Variants in ERC2 observed in about 807,000 individuals in gnomAD.
ERC2 encodes ERC protein 2.
In ERC2, 42 loss-of-function variants were observed where a neutral mutation model predicts 114.8. The observed-to-expected ratio is 0.37, with a 90% confidence interval of 0.29 to 0.47. The LOEUF (loss-of-function observed/expected upper bound fraction) is 0.47, where lower values mean the gene tolerates loss of function less well. Ranked by LOEUF, ERC2 falls within the 20% of genes least tolerant of loss-of-function variation. ERC2 has a pLI of 0.99. For missense variants in ERC2, 939 were observed against 1,150.7 expected (o/e 0.82, Z 2.66); for synonymous variants, 454 against 425.5 (o/e 1.07, Z -0.82).
rs2071208200 is a variant in ERC2, at chr3:55,993,105, A to G, written c.2062-855T>C. Reference sequence around the variant, plus strand: ...ACTTTTGGCTGAAATATTCCCAGACAGATAGAAATAACACTGCACTGCAAT... The same window carrying G: ...ACTTTTGGCTGAAATATTCCCAGACGGATAGAAATAACACTGCACTGCAAT... On this transcript the variant is annotated intron_variant, in intron 10 of 17. Transcript: ENST00000288221. 2.0e-5 allele frequency among the ~76,000 whole-genome samples: 3 copies of G among 152,244 alleles called. No homozygotes were observed. In the South Asian group the frequency reaches 6.2e-4, roughly 32 times the overall value.
chr3:56,015,687 T>C (rs1053325982), intron 8 of ERC2, among the ~76,000 whole-genome samples: 1 of 152,224 alleles, frequency 6.6e-6, no homozygotes, highest in Non-Finnish European at 1.5e-5. Context: ...TGCACCTTTA[T>C]AATAGAATGA....
At chr3:55,675,022 A>G (rs1284709254) in intron 17 of ERC2, among the ~76,000 whole-genome samples, 2 of 152,186 alleles carry the variant, frequency 1.3e-5, no homozygotes, top group Admixed American at 1.3e-4. Context: ...GCTGCAAGGC[A>G]TGCATGGACC....
At chr3:56,318,610 G>A (rs983293894) in intron 2 of ERC2, among the ~76,000 whole-genome samples, 4 of 151,434 alleles carry the variant, frequency 2.6e-5, no homozygotes, top group African/African-American at 9.7e-5. Context: ...AAGACAACCT[G>A]ATTTTAAAAT....
intron 2 of ERC2, among the ~76,000 whole-genome samples, chr3:56,323,884 G>C (rs2057239711): frequency 6.6e-6 from 1 of 152,058 alleles, no homozygotes; most frequent in Non-Finnish European, 1.5e-5. Context: ...TGAAGCACTC[G>C]CAAGATTCTG....
chr3:56,026,879 G>A (rs767427501), intron 7 of ERC2, among the ~76,000 whole-genome samples: 5 of 152,162 alleles, frequency 3.3e-5, no homozygotes, highest in Non-Finnish European at 7.4e-5. Context: ...GTAGATTTAC[G>A]TGACCACCAC....
chr3:55,896,643 G>A (rs1559833889), intron 13 of ERC2, among the ~76,000 whole-genome samples: 1 of 152,136 alleles, frequency 6.6e-6, no homozygotes, highest in Non-Finnish European at 1.5e-5. Flanking sequence ...CACCTCAGAA[G>A]TCTCTAGAAT....
intron 3 of ERC2, among the ~76,000 whole-genome samples, chr3:56,237,926 A>C (rs2051068629): frequency 1.3e-5 from 2 of 148,312 alleles, no homozygotes; most frequent in Non-Finnish European, 3.0e-5. Context: ...AGAAGCAAGC[A>C]TGATTCAAAT....
At chr3:55,920,606 C>T (rs900159989) in intron 13 of ERC2, among the ~76,000 whole-genome samples, 1 of 152,020 alleles carries the variant, frequency 6.6e-6, no homozygotes, top group South Asian at 2.1e-4. Flanking sequence ...TATCTTAATT[C>T]TATTTTAATA....
intron 15 of ERC2, among the ~76,000 whole-genome samples, chr3:55,719,179 A>G (rs1217588748): frequency 6.6e-6 from 1 of 152,196 alleles, no homozygotes; most frequent in Non-Finnish European, 1.5e-5. Context: ...CTTCTAAGCC[A>G]TTGGGTTTAG....
intron 14 of ERC2, among the ~76,000 whole-genome samples, chr3:55,877,380 G>A (rs2062904291): frequency 6.6e-6 from 1 of 152,148 alleles, no homozygotes; most frequent in Non-Finnish European, 1.5e-5. Context: ...GGAAAGACCA[G>A]GTCAGGCGTG....
intron 14 of ERC2, among the ~76,000 whole-genome samples, chr3:55,874,543 C>A (rs1193305678): frequency 6.6e-6 from 1 of 152,000 alleles, no homozygotes; most frequent in African/African-American, 2.4e-5. Context: ...CATTTTCTAG[C>A]AACATATTCT....
intron 17 of ERC2, among the ~76,000 whole-genome samples, chr3:55,547,575 C>T (rs1053823557): frequency 6.6e-6 from 1 of 152,122 alleles, no homozygotes; most frequent in South Asian, 2.1e-4. Flanking sequence ...TGAAGATGAA[C>T]GCTTCCTCCG....
At chr3:55,570,512 C>A (rs774219852) in intron 17 of ERC2, among the ~76,000 whole-genome samples, 1 of 152,022 alleles carries the variant, frequency 6.6e-6, no homozygotes, top group Non-Finnish European at 1.5e-5. Context: ...AGAGGGAGGG[C>A]CAGGGGGAGC....
At chr3:56,218,017 A>T (rs2049613882) in intron 3 of ERC2, among the ~76,000 whole-genome samples, 1 of 152,244 alleles carries the variant, frequency 6.6e-6, no homozygotes, top group South Asian at 2.1e-4. Flanking sequence ...TACATGTTAG[A>T]CCTGAAACCA....
At chr3:55,564,151 C>T (rs2056213596) in intron 17 of ERC2, among the ~76,000 whole-genome samples, 1 of 152,182 alleles carries the variant, frequency 6.6e-6, no homozygotes, top group African/African-American at 2.4e-5. Flanking sequence ...TAGGATTTCC[C>T]TGCTGAGCAA....
At chr3:56,043,306 T>G (rs2075292199) in intron 7 of ERC2, among the ~76,000 whole-genome samples, 1 of 152,234 alleles carries the variant, frequency 6.6e-6, no homozygotes, top group African/African-American at 2.4e-5. Flanking sequence ...GATCATTGTG[T>G]GTGGCAAAAG....
At chr3:55,617,870 T>A (rs1025634250) in intron 17 of ERC2, among the ~76,000 whole-genome samples, 2 of 152,242 alleles carry the variant, frequency 1.3e-5, no homozygotes, top group Non-Finnish European at 2.9e-5. Context: ...GCCACTTGAC[T>A]CTTTCTAGCA....
chr3:56,084,035 TCAAAAA>T (rs1160658964), intron 6 of ERC2, among the ~76,000 whole-genome samples: 1 of 149,662 alleles, frequency 6.7e-6, no homozygotes, highest in African/African-American at 2.5e-5. Context: ...AATAAAGAAA[TCAAAAA>T]CAAAAATGAT....
chr3:56,304,791 T>C (rs2056113021), intron 2 of ERC2, among the ~76,000 whole-genome samples: 1 of 152,234 alleles, frequency 6.6e-6, no homozygotes, highest in Non-Finnish European at 1.5e-5. Context: ...AAAGTCTTAG[T>C]GTTTTCTAAA....
Sources: gnomAD v4.1 joint callset for allele counts (sites outside exome capture counted in the v4.1 genomes callset) on GRCh38, gnomAD v4.1.1 for gene constraint, MANE v1.5 for transcripts, NCBI Gene and HGNC (gene_info 2026-07-23, HGNC 2026-07-21) for gene names.